PLEKHG3: variants seen among roughly 807,000 people sequenced by gnomAD.
The protein encoded by PLEKHG3 is pleckstrin homology domain-containing family G member 3.
A neutral mutation model predicts 94.9 loss-of-function variants in PLEKHG3; 62 were observed. That is an observed-to-expected ratio of 0.65 (90% confidence interval 0.53 to 0.81). The LOEUF (loss-of-function observed/expected upper bound fraction) is 0.81, where lower values mean the gene tolerates loss of function less well. Among genes scored for constraint, PLEKHG3 ranks in the 30% least tolerant of loss-of-function variants. PLEKHG3 has a pLI of 0.00. For synonymous variants in PLEKHG3, 614 were observed against 654.0 expected, an observed-to-expected ratio of 0.94 and a Z score of 0.93; for missense variants, 1,461 against 1,619.3, an observed-to-expected ratio of 0.90 and a Z score of 1.68.
intron 1 of PLEKHG3, among the ~76,000 whole-genome samples, chr14:64,706,716 C>G (rs1046849143): frequency 6.6e-6 from 1 of 152,260 alleles, no homozygotes; most frequent in South Asian, 2.1e-4. Flanking sequence ...TTACCAAATC[C>G]GCAGCTATCC....
At chr14:64,714,699 G>T (rs547712626) in intron 1 of PLEKHG3, among the ~76,000 whole-genome samples, 1 of 152,294 alleles carries the variant, frequency 6.6e-6, no homozygotes, top group Non-Finnish European at 1.5e-5. Context: ...TTCTGGGCTG[G>T]GTATGACCAG....
rs1001012535 is a variant in PLEKHG3, at chr14:64,749,557, G to A, written c.*5854G>A. The A allele has an allele frequency of 2.6e-5, 41 of 1,603,544 alleles. No homozygotes were observed. In the African/African-American group the frequency reaches 4.4e-4, roughly 17 times the overall value. ...CAGGCAACAATGGTGGGGGCTCTTG[G>A]GACTGCCCCTTCTGAGGGGGCCTCC... On this transcript the variant is annotated 3_prime_UTR_variant, in exon 17 of 17. Coordinates refer to ENST00000247226, the MANE Select transcript of PLEKHG3 (RefSeq NM_001308147.2). The surrounding 1 kb of genome is among the most constrained non-coding windows in gnomAD (Gnocchi z 4.7).
At chr14:64,714,950 G>A (rs1466561974) in intron 1 of PLEKHG3, among the ~76,000 whole-genome samples, 2 of 152,158 alleles carry the variant, frequency 1.3e-5, no homozygotes, top group Non-Finnish European at 2.9e-5. Context: ...CCTCTAGGAG[G>A]TTGTTACTGA....
intron 1 of PLEKHG3, among the ~76,000 whole-genome samples, chr14:64,705,418 A>C (rs1005879771): frequency 1.3e-4 from 20 of 152,094 alleles, no homozygotes; most frequent in African/African-American, 4.8e-4. Context: ...AACGGAGGGG[A>C]GAATGGAATG....
In PLEKHG3 at chr14:64,728,732, C is replaced by CA. The variant is rs2081401355; in HGVS notation, c.352-263dup. Among the ~76,000 whole-genome samples the CA allele has an allele frequency of 6.6e-6, 1 of 152,220 alleles. No homozygotes were observed. Among genetic ancestry groups the CA allele is most frequent in the Admixed American group, 6.5e-5 (1 of 15,278 alleles). ...CCTCCTTCTCCTCTTATAAGGACAG[C>CA]AGCCACTGGATTTGGGGCCCACCCT... is the stretch of plus-strand genomic sequence containing the variant. On this transcript the variant is annotated intron_variant, in intron 2 of 16. Transcript: ENST00000247226. This position sits in a 1 kb window ranked among gnomAD's most constrained non-coding sequence, Gnocchi z 5.9.
In PLEKHG3 at chr14:64,732,798, T is replaced by G; in HGVS notation, c.1247-5T>G. 6.3e-7 allele frequency: 1 copy of G among 1,597,100 alleles called. No individual in the cohort carries two copies. The highest frequency in any genetic ancestry group is 8.5e-7 in the Non-Finnish European group (1 of 1,171,660). On this transcript the variant is annotated splice_region_variant and splice_polypyrimidine_tract_variant and intron_variant, in intron 11 of 16. Coordinates refer to ENST00000247226, the MANE Select transcript of PLEKHG3 (RefSeq NM_001308147.2). This position sits in a 1 kb window ranked among gnomAD's most constrained non-coding sequence, Gnocchi z 4.9. Reference sequence around the variant, plus strand: ...AAAGCTTGATCGTCTCTCTCCTGGGTGCAGATCCCAATCGGTACCGCTGCA... The same window carrying G: ...AAAGCTTGATCGTCTCTCTCCTGGGGGCAGATCCCAATCGGTACCGCTGCA...
At chr14:64,733,164 C>CTTTTTTTTT (rs112116298) in intron 12 of PLEKHG3, among the ~76,000 whole-genome samples, 1 of 135,358 alleles carries the variant, frequency 7.4e-6, no homozygotes, top group Non-Finnish European at 1.6e-5. Flanking sequence ...TTTTCTTTTT[C>CTTTTTTTTT]TTTTTTTTTT....
At chr14:64,736,387 C>G (rs2081568932) in intron 12 of PLEKHG3, among the ~76,000 whole-genome samples, 1 of 152,236 alleles carries the variant, frequency 6.6e-6, no homozygotes, top group African/African-American at 2.4e-5. Flanking sequence ...GCGACCTCTG[C>G]TTTCCAGCTG....
chr14:64,727,529 G>A lies in PLEKHG3; in HGVS notation c.-39-64G>A, dbSNP rs1483391252. 15 of 229,434 alleles carry A rather than the reference G, an allele frequency of 6.5e-5. No homozygotes were observed. Among genetic ancestry groups the A allele is most frequent in the Non-Finnish European group, 8.7e-5 (10 of 114,416 alleles). 14.2% of individuals were successfully genotyped at this position (229,434 alleles called of 1,614,324 possible). On this transcript the variant is annotated intron_variant, in intron 1 of 16. Transcript: ENST00000247226. This position sits in a 1 kb window ranked among gnomAD's most constrained non-coding sequence, Gnocchi z 6.0. ...CCACCTGCCCCCACCCCTGGCAACCGTCCCTCTGTTCTGTTTCTGTGGGCA... is the reference window on the plus strand; with the variant it reads ...CCACCTGCCCCCACCCCTGGCAACCATCCCTCTGTTCTGTTTCTGTGGGCA...
In PLEKHG3 at chr14:64,732,862, G is replaced by A. The variant is rs2081496468; in HGVS notation, c.1306G>A (p.Glu436Lys). ...RLKKAWSSQD[E>K]VSTNVRQGRR... ...GAAGAAGGCTTGGTCCTCCCAGGAT[G>A]AGGTGTCCACCAATGTGCGCCAGGG... Residue 436 changes from glutamate to lysine, a missense_variant, in exon 12 of 17, where the codon GAG becomes AAG. Around this residue, in one of 3 missense-constraint regions of PLEKHG3, gnomAD observed 1,201 missense variants for 1,295.5 expected, o/e 0.93. Coordinates refer to ENST00000247226, the MANE Select transcript of PLEKHG3 (RefSeq NM_001308147.2). This position sits in a 1 kb window ranked among gnomAD's most constrained non-coding sequence, Gnocchi z 4.9. 1 of 1,611,018 alleles carries A rather than the reference G, an allele frequency of 6.2e-7. No homozygotes were observed. Among genetic ancestry groups the A allele is most frequent in the African/African-American group, 1.3e-5 (1 of 75,052 alleles).
chr14:64,742,527 T>A, intron 16 of PLEKHG3, 72 bp downstream of exon 16: 2 of 1,181,872 alleles, frequency 1.7e-6, no homozygotes, highest in Non-Finnish European at 2.3e-6. Context: ...GCCACTTGGC[T>A]CCTCGGGGAA....
intron 1 of PLEKHG3, among the ~76,000 whole-genome samples, chr14:64,724,522 A>G (rs901359165): frequency 4.3e-4 from 66 of 152,198 alleles, no homozygotes; most frequent in African/African-American, 1.6e-3. Context: ...CTGCTTACCC[A>G]TGACCTGTGA....
chr14:64,730,736 G>C lies in PLEKHG3; in HGVS notation c.566+48G>C, dbSNP rs2081441614. On this transcript the variant is annotated intron_variant, in intron 5 of 16. Coordinates refer to ENST00000247226, the MANE Select transcript of PLEKHG3 (RefSeq NM_001308147.2). The surrounding 1 kb of genome is among the most constrained non-coding windows in gnomAD (Gnocchi z 5.4). ...AAGGCAGAGCCATTTGGTGAGTCCA[G>C]AGCCCCCCACTTCCTCATCCAGGCC... The C allele has an allele frequency of 6.2e-7, 1 of 1,612,458 alleles. No individual in the cohort carries two copies. The highest frequency in any genetic ancestry group is 1.3e-5 in the African/African-American group (1 of 74,882).
intron 16 of PLEKHG3, among the ~76,000 whole-genome samples, chr14:64,742,735 AGCAGGATGGGAGCAGAAGCTCTCCCCCTC>A (rs1160038561): frequency 6.6e-6 from 1 of 152,140 alleles, no homozygotes; most frequent in Admixed American, 6.5e-5. Context: ...CCCCTCCTTT[AGCAGGATGGGAGCAGAAGCTCTCCCCCTC>A]TGCCTTTGAC....
chr14:64,732,989 G>A lies in PLEKHG3; in HGVS notation c.1345+88G>A. The A allele has an allele frequency of 2.5e-6, 2 of 813,562 alleles. No homozygotes were observed. The highest frequency in any genetic ancestry group is 4.1e-6 in the Non-Finnish European group (2 of 490,974). The allele number at this position is 813,562 out of a possible 1,614,324, so 50.4% of individuals were successfully genotyped here. A position where few individuals can be genotyped will look rare whatever the true frequency, so the allele number is the denominator to read the frequency against. On this transcript the variant is annotated intron_variant, in intron 12 of 16. Transcript: ENST00000247226. This position sits in a 1 kb window ranked among gnomAD's most constrained non-coding sequence, Gnocchi z 4.9. ...GTCTGCGGCAGTGTCCAGGGCTGTGGCTCTCACCTCTGCGGAAACCCTGGG... is the reference window on the plus strand; with the variant it reads ...GTCTGCGGCAGTGTCCAGGGCTGTGACTCTCACCTCTGCGGAAACCCTGGG...
rs761245881 is a variant in PLEKHG3, at chr14:64,731,221, T to G, written c.849+52T>G. The G allele has an allele frequency of 6.5e-7, 1 of 1,544,588 alleles. No homozygotes were observed. The highest frequency in any genetic ancestry group is 1.7e-5 in the Admixed American group (1 of 58,218). ...AGGGGCAGGGCTGGGTGGGCCAGGCTTCCGCTGGGAAGAGGGACTGTGGCC... is the reference window on the plus strand; with the variant it reads ...AGGGGCAGGGCTGGGTGGGCCAGGCGTCCGCTGGGAAGAGGGACTGTGGCC... On this transcript the variant is annotated intron_variant, in intron 7 of 16. Transcript: ENST00000247226. The surrounding 1 kb of genome is among the most constrained non-coding windows in gnomAD (Gnocchi z 6.1).
intron 13 of PLEKHG3, chr14:64,737,151 C>A (rs77270766): frequency 0.059 from 38,221 of 648,298 alleles, 1,290 homozygotes; most frequent in African/African-American, 0.072. Context: ...CAGACCTGCG[C>A]TGCTCTGTGG....
chr14:64,730,970 AG>A lies in PLEKHG3; in HGVS notation c.717+22del. On this transcript the variant is annotated intron_variant, in intron 6 of 16. Coordinates refer to ENST00000247226, the MANE Select transcript of PLEKHG3 (RefSeq NM_001308147.2). This position sits in a 1 kb window ranked among gnomAD's most constrained non-coding sequence, Gnocchi z 5.4. ...TCCAGGTAGCCCCTCGGTCCTCCCA[AG>A]CACCTAGGGCCTGGGGAGGGCAGGG... is the stretch of plus-strand genomic sequence containing the variant. 1 of 1,613,482 alleles carries A rather than the reference AG, an allele frequency of 6.2e-7. No individual in the cohort carries two copies. The highest frequency in any genetic ancestry group is 1.1e-5 in the South Asian group (1 of 91,090).
At chr14:64,711,431 T>TTTA (rs2081065161) in intron 1 of PLEKHG3, among the ~76,000 whole-genome samples, 1 of 149,506 alleles carries the variant, frequency 6.7e-6, no homozygotes, top group Non-Finnish European at 1.5e-5. Context: ...TTTTTTTTTT[T>TTTA]GAGACGGAGT....
Sources: allele counts gnomAD v4.1 joint callset (sites outside exome capture counted in the v4.1 genomes callset), GRCh38; gene constraint gnomAD v4.1.1; regional missense constraint gnomAD v4.1.1; non-coding constraint Gnocchi (gnomAD v3.1); transcripts MANE v1.5; gene names NCBI Gene and HGNC (gene_info 2026-07-23, HGNC 2026-07-21).